The following SGCD variants were observed in gnomAD, a reference collection of about 807,000 sequenced individuals.
SGCD encodes sarcoglycan delta, also known as delta-sarcoglycan.
Under a neutral mutation model 36.6 loss-of-function variants are expected in SGCD, and 18 were observed. That is an observed-to-expected ratio of 0.49 (90% CI 0.34 to 0.73). SGCD has a LOEUF of 0.73. SGCD is among the 30% of genes least tolerant of loss of function. The pLI is 0.01. For missense variants in SGCD, 387 were observed against 346.7 expected, an observed-to-expected ratio of 1.12 and a Z score of -0.92; for synonymous variants, 133 against 130.6, an observed-to-expected ratio of 1.02 and a Z score of -0.12.
the SGCD span, among the ~76,000 whole-genome samples, chr5:155,775,694 A>G: frequency 6.6e-6 from 1 of 152,120 alleles, no homozygotes; most frequent in Non-Finnish European, 1.5e-5. Flanking sequence ...CAATATGTCC[A>G]TTTATTCACT....
intron 4 of SGCD, among the ~76,000 whole-genome samples, chr5:156,575,169 C>T (rs543124313): frequency 3.9e-5 from 6 of 152,342 alleles, no homozygotes; most frequent in African/African-American, 1.4e-4. Context: ...TGAAATTAAC[C>T]TTCCATGTGA....
chr5:156,736,150 G>A (rs968326557), intron 7 of SGCD, among the ~76,000 whole-genome samples: 1 of 152,168 alleles, frequency 6.6e-6, no homozygotes, highest in African/African-American at 2.4e-5. Flanking sequence ...AGTGTTGACT[G>A]TCTGGATGTG....
chr5:155,810,079 T>A, the SGCD span, among the ~76,000 whole-genome samples: 1 of 152,236 alleles, frequency 6.6e-6, no homozygotes, highest in South Asian at 2.1e-4. Context: ...ATTACTTTAA[T>A]TAGATGTAAT....
chr5:156,102,163 T>G (rs1761535969), intron 1 of SGCD, among the ~76,000 whole-genome samples: 1 of 152,114 alleles, frequency 6.6e-6, no homozygotes, highest in African/African-American at 2.4e-5. Flanking sequence ...TTTTTTTTAT[T>G]TTTGTGGCCA....
intron 6 of SGCD, among the ~76,000 whole-genome samples, chr5:156,600,652 C>CT (rs1761154201): frequency 6.6e-6 from 1 of 152,094 alleles, no homozygotes; most frequent in South Asian, 2.1e-4. Context: ...TAAGACATCT[C>CT]TTTGATGTAT....
intron 7 of SGCD, among the ~76,000 whole-genome samples, chr5:156,681,144 G>A (rs978539969): frequency 2.0e-5 from 3 of 152,276 alleles, no homozygotes; most frequent in South Asian, 2.1e-4. Flanking sequence ...CTGTCCTCTC[G>A]GCACCCAGGT....
chr5:156,181,058 C>A (rs1477113087), intron 3 of SGCD, among the ~76,000 whole-genome samples: 1 of 152,164 alleles, frequency 6.6e-6, no homozygotes, highest in Non-Finnish European at 1.5e-5. Context: ...TCCAGAGTTT[C>A]TCTCAGTGCT....
At chr5:155,934,423 A>G (rs929767686) in intron 1 of SGCD, among the ~76,000 whole-genome samples, 1 of 152,204 alleles carries the variant, frequency 6.6e-6, no homozygotes, top group East Asian at 1.9e-4. Context: ...GTTCCCTCAA[A>G]TCAATACTCA....
intron 1 of SGCD, among the ~76,000 whole-genome samples, chr5:156,027,660 A>G (rs535698426): frequency 2.4e-4 from 37 of 152,308 alleles, no homozygotes; most frequent in African/African-American, 8.9e-4. Flanking sequence ...TAAAGAAAAA[A>G]AGAATGAATG....
chr5:156,716,592 C>T (rs1343195309), intron 7 of SGCD, among the ~76,000 whole-genome samples: 3 of 152,222 alleles, frequency 2.0e-5, no homozygotes, highest in African/African-American at 7.2e-5. Flanking sequence ...CAGCATAGTG[C>T]TAGGCATATA....
intron 3 of SGCD, among the ~76,000 whole-genome samples, chr5:156,388,666 T>G (rs189942946): frequency 6.6e-6 from 1 of 152,374 alleles, no homozygotes; most frequent in East Asian, 1.9e-4. Context: ...AGACCAGTTC[T>G]TCCAACTTTT....
Position 156,765,832 on chromosome 5 carries a change from T to C in SGCD, c.*6442T>C, listed in dbSNP as rs940828071. The C allele has an allele frequency of 6.6e-6, 1 of 152,146 alleles. No individual in the cohort carries two copies. The highest frequency in any genetic ancestry group is 2.4e-5 in the African/African-American group (1 of 41,428). The allele number at this position is 152,146 out of a possible 1,614,324, so 9.4% of individuals were successfully genotyped here. A position where few individuals can be genotyped will look rare whatever the true frequency, so the allele number is the denominator to read the frequency against. On this transcript the variant is annotated 3_prime_UTR_variant, in exon 9 of 9. Transcript: ENST00000337851. ...TTTCAAGTTGTTGGGACATGTCCCCTACTAGGTTTTAAACTAGATCTTCCT... is the reference window on the plus strand; with the variant it reads ...TTTCAAGTTGTTGGGACATGTCCCCCACTAGGTTTTAAACTAGATCTTCCT...
the SGCD span, among the ~76,000 whole-genome samples, chr5:155,795,301 GATT>G: frequency 1.3e-5 from 2 of 152,078 alleles, no homozygotes; most frequent in African/African-American, 4.8e-5. Flanking sequence ...CAGTTCAATA[GATT>G]AGGAGTTCAT....
intron 3 of SGCD, among the ~76,000 whole-genome samples, chr5:156,219,266 G>C (rs1764657897): frequency 6.6e-6 from 1 of 152,182 alleles, no homozygotes; most frequent in African/African-American, 2.4e-5. Flanking sequence ...TATCATATAA[G>C]GATAGAATTG....
chr5:155,811,443 C>T, the SGCD span, among the ~76,000 whole-genome samples: 1 of 152,190 alleles, frequency 6.6e-6, no homozygotes, highest in African/African-American at 2.4e-5. Context: ...AAAAGAAGCA[C>T]TCATTTATGG....
chr5:155,802,986 T>TA, the SGCD span, among the ~76,000 whole-genome samples: 1 of 152,186 alleles, frequency 6.6e-6, no homozygotes. Context: ...CATCTAAACT[T>TA]ACATTCCTAG....
intron 1 of SGCD, among the ~76,000 whole-genome samples, chr5:155,974,621 G>A (rs1263260884): frequency 2.6e-5 from 4 of 151,440 alleles, no homozygotes; most frequent in Non-Finnish European, 5.9e-5. Context: ...GTGAGAGTTG[G>A]ACCTGTCTGT....
intron 3 of SGCD, among the ~76,000 whole-genome samples, chr5:156,151,322 C>T (rs939390386): frequency 2.6e-5 from 4 of 151,760 alleles, no homozygotes; most frequent in Admixed American, 2.6e-4. Flanking sequence ...TGTGGCACAA[C>T]TGTGGGTAGA....
At chr5:156,314,236 A>G (rs1257346987) in intron 3 of SGCD, among the ~76,000 whole-genome samples, 2 of 152,026 alleles carry the variant, frequency 1.3e-5, no homozygotes, top group Non-Finnish European at 2.9e-5. Flanking sequence ...TCGAGGCTAT[A>G]CTAATCAGTA....
Sources: allele counts gnomAD v4.1 joint callset (sites outside exome capture counted in the v4.1 genomes callset), GRCh38; gene constraint gnomAD v4.1.1; transcripts MANE v1.5; gene names NCBI Gene and HGNC (gene_info 2026-07-23, HGNC 2026-07-21).